The following SUN2 variants were observed in gnomAD, a reference collection of about 807,000 sequenced individuals.
SUN2 encodes Sad1 and UNC84 domain containing 2.
SUN2 carries 60 observed loss-of-function variants against 100.0 expected under a neutral mutation model. The ratio of observed to expected loss-of-function variants is 0.60; its 90% CI spans 0.49 to 0.74. SUN2 has a LOEUF of 0.74. Ranked by LOEUF, SUN2 falls within the 30% of genes least tolerant of loss-of-function variation. SUN2 has a pLI of 0.00. For synonymous variants in SUN2, 367 were observed against 403.3 expected (o/e 0.91, Z 1.08); for missense variants, 834 against 954.6 (o/e 0.87, Z 1.66).
intron 8 of SUN2, chr22:38,743,727 A>T (rs1240525256): frequency 6.6e-6 from 1 of 152,128 alleles, no homozygotes; most frequent in Non-Finnish European, 1.5e-5. Flanking sequence ...CTAATACAAG[A>T]TATATTCATT....
intron 2 of SUN2, 129 bp from the exon 3 acceptor site, chr22:38,751,502 C>T: frequency 6.5e-6 from 6 of 921,002 alleles, no homozygotes; most frequent in Non-Finnish European, 9.8e-6. Flanking sequence ...AGGCAACTCG[C>T]AGCTGCCATT....
chr22:38,752,528 A>AG lies in SUN2; in HGVS notation c.100dup (p.Leu34ProfsTer3), dbSNP rs1403036402. The AG allele has an allele frequency of 6.2e-7, 1 of 1,613,600 alleles. No individual in the cohort carries two copies. Among genetic ancestry groups the AG allele is most frequent in the Non-Finnish European group, 8.5e-7 (1 of 1,179,704 alleles). ...CTACCTGAGAGGACTGTCTTTAAACAGGGTGCTCTGACTCCCAGCCACCGA... is the reference window on the plus strand; with the variant it reads ...CTACCTGAGAGGACTGTCTTTAAACAGGGGTGCTCTGACTCCCAGCCACCGA... On this transcript the variant is annotated frameshift_variant, in exon 2 of 18. Coordinates refer to ENST00000689035, the MANE Select transcript of SUN2 (RefSeq NM_015374.3). LOFTEE classifies it high-confidence loss of function.
In SUN2 at chr22:38,750,361, C is replaced by G. The variant is rs138314799; in HGVS notation, c.425-41G>C. 2.1e-4 allele frequency: 344 copies of G among 1,610,190 alleles called. No homozygotes were observed. The African/African-American group carries it at 4.3e-3, about 20-fold the overall frequency. ...ACACTGGCTCAGTCTCTGTCACTTTCGAGCCTCTTCCTTCACTGTCTTCTG... is the reference window on the plus strand; with the variant it reads ...ACACTGGCTCAGTCTCTGTCACTTTGGAGCCTCTTCCTTCACTGTCTTCTG... On this transcript the variant is annotated intron_variant, in intron 4 of 17. Coordinates refer to ENST00000689035, the MANE Select transcript of SUN2 (RefSeq NM_015374.3).
chr22:38,750,083 G>T, intron 5 of SUN2, 142 bp downstream of exon 5: 1 of 1,344,202 alleles, frequency 7.4e-7, no homozygotes, highest in Non-Finnish European at 1.0e-6. Flanking sequence ...ACAGCTCTGG[G>T]CTCCCAGTGA....
In SUN2 at chr22:38,750,980, C is replaced by A. The variant is rs773389007; in HGVS notation, c.342G>T (p.Arg114Ser). Residue 114 changes from arginine to serine, a missense_variant, in exon 4 of 18, where the codon AGG becomes AGT. By Grantham distance (110) the Arg-to-Ser change is moderately radical. Transcript: ENST00000689035. Reference sequence around the variant, plus strand: ...CCTTGCGCCCCACAAGCCCGCTGGCCCTGCTGCTCTCTGAGCCACCCGTGC... The same window carrying A: ...CCTTGCGCCCCACAAGCCCGCTGGCACTGCTGCTCTCTGAGCCACCCGTGC... ...RRGTGGSESS[R>S]ASGLVGRKAT... 3 of 1,613,906 alleles carry A rather than the reference C, an allele frequency of 1.9e-6. No individual in the cohort carries two copies. Among genetic ancestry groups the A allele is most frequent in the Non-Finnish European group, 2.5e-6 (3 of 1,179,996 alleles).
In SUN2 at chr22:38,752,641, T is replaced by C. The variant is rs1259881306; in HGVS notation, c.-13A>G. 3.1e-6 allele frequency: 5 copies of C among 1,612,810 alleles called. No homozygotes were observed. The highest frequency in any genetic ancestry group is 1.3e-5 in the African/African-American group (1 of 74,896). On this transcript the variant is annotated 5_prime_UTR_variant, in exon 2 of 18. Coordinates refer to ENST00000689035, the MANE Select transcript of SUN2 (RefSeq NM_015374.3). ...TTCTTCGGGACATGATGAGGTGGGA[T>C]GTGGACTCTTCCCCTGAAGAGAATC... is the stretch of plus-strand genomic sequence containing the variant.
chr22:38,736,196 C>A lies in SUN2; in HGVS notation c.*71G>T, dbSNP rs753287130. ...CCTAGAAGTCAGAGCGCCGAGCAAGCGTGTGGGGGAAGCGGCGGGGTGCTG... is the reference window on the plus strand; with the variant it reads ...CCTAGAAGTCAGAGCGCCGAGCAAGAGTGTGGGGGAAGCGGCGGGGTGCTG... On this transcript the variant is annotated 3_prime_UTR_variant, in exon 18 of 18. Coordinates refer to ENST00000689035, the MANE Select transcript of SUN2 (RefSeq NM_015374.3). The A allele has an allele frequency of 3.5e-6, 5 of 1,414,400 alleles. No individual in the cohort carries two copies. Among genetic ancestry groups the A allele is most frequent in the Non-Finnish European group, 4.0e-6 (4 of 1,003,426 alleles). 87.6% of individuals were successfully genotyped at this position (1,414,400 alleles called of 1,614,324 possible).
chr22:38,754,003 A>G (rs182272568), intron 1 of SUN2, among the ~76,000 whole-genome samples: 5 of 152,374 alleles, frequency 3.3e-5, no homozygotes, highest in African/African-American at 1.2e-4. Context: ...AATATTTGTT[A>G]GCAAACTAAC....
chr22:38,752,611 C>G lies in SUN2; in HGVS notation c.18G>C (p.Gln6His). 1 of 1,613,912 alleles carries G rather than the reference C, an allele frequency of 6.2e-7. No individual in the cohort carries two copies. Among genetic ancestry groups the G allele is most frequent in the East Asian group, 2.2e-5 (1 of 44,876 alleles). The change falls in exon 2 of 18, where the codon CAG becomes CAC. Residue 6 changes from glutamine (Q) to histidine (H), a missense_variant. Around this residue, in one of 3 missense-constraint regions of SUN2, gnomAD observed 559 missense variants for 597.7 expected, o/e 0.94. Transcript: ENST00000689035. MSRRS[Q>H]RLTRYSQGDD... ...CACCCTGGGAGTAGCGCGTGAGGCG[C>G]TGGCTTCTTCGGGACATGATGAGGT...
Position 38,740,144 on chromosome 22 carries a change from G to A in SUN2, c.1356+123C>T, listed in dbSNP as rs564711211. On this transcript the variant is annotated intron_variant, in intron 12 of 17. Coordinates refer to ENST00000689035, the MANE Select transcript of SUN2 (RefSeq NM_015374.3). The surrounding 1 kb of genome is among the most constrained non-coding windows in gnomAD (Gnocchi z 4.8). ...AGAGCCCACATGTGTCAAGGCCAAC[G>A]CCACAGTCTCTTGGGCATAACAGAG... 1.4e-3 allele frequency: 1,855 copies of A among 1,340,046 alleles called. 4 individuals are homozygous for A. The highest frequency in any genetic ancestry group is 1.7e-3 in the Non-Finnish European group (1,746 of 1,008,452). 83.0% of individuals were successfully genotyped at this position (1,340,046 alleles called of 1,614,324 possible).
Position 38,755,170 on chromosome 22 carries a change from G to A in SUN2, c.-38+593C>T, listed in dbSNP as rs1184621541. ...AAACCAGATCTGGGGCATCTTCCTC[G>A]TGACATTTCCACTCCCTGGGCACAG... On this transcript the variant is annotated intron_variant, in intron 1 of 17. Coordinates refer to ENST00000689035, the MANE Select transcript of SUN2 (RefSeq NM_015374.3). This position sits in a 1 kb window ranked among gnomAD's most constrained non-coding sequence, Gnocchi z 5.7. The A allele has an allele frequency of 1.8e-6, 2 of 1,113,918 alleles. No individual in the cohort carries two copies. Among genetic ancestry groups the A allele is most frequent in the African/African-American group, 1.6e-5 (1 of 60,742 alleles). 69.0% of individuals were successfully genotyped at this position (1,113,918 alleles called of 1,614,324 possible).
At chr22:38,753,405 G>A (rs1008960127) in intron 1 of SUN2, among the ~76,000 whole-genome samples, 3 of 151,718 alleles carry the variant, frequency 2.0e-5, no homozygotes, top group Non-Finnish European at 4.4e-5. Context: ...TAATAGAGAC[G>A]GGGTTTCGCC....
Position 38,738,477 on chromosome 22 carries a change from T to C in SUN2, c.1947+110A>G, listed in dbSNP as rs762100180. 10 of 1,439,956 alleles carry C rather than the reference T, an allele frequency of 6.9e-6. No homozygotes were observed. The highest frequency in any genetic ancestry group is 2.0e-5 in the Admixed American group (1 of 50,310). The allele number at this position is 1,439,956 out of a possible 1,614,324, so 89.2% of individuals were successfully genotyped here. On this transcript the variant is annotated intron_variant, in intron 16 of 17. Coordinates refer to ENST00000689035, the MANE Select transcript of SUN2 (RefSeq NM_015374.3). The surrounding 1 kb of genome is among the most constrained non-coding windows in gnomAD (Gnocchi z 6.6). ...CCACCCTAGCTCCTCCTCTTCCAAA[T>C]CCACTCCCCTCCCTTCCAGTCCAAG...
Position 38,740,930 on chromosome 22 carries a change from T to C in SUN2, c.1190+77A>G. 6.9e-7 allele frequency: 1 copy of C among 1,448,520 alleles called. No individual in the cohort carries two copies. The highest frequency in any genetic ancestry group is 9.5e-7 in the Non-Finnish European group (1 of 1,056,146). 89.7% of individuals were successfully genotyped at this position (1,448,520 alleles called of 1,614,324 possible). The stretch of plus-strand genomic sequence containing the variant: ...TGATCAGAACTCTCTGCTCTGCGGC[T>C]CTGCTCCCCAGTCCTGCCTGGAGAG... On this transcript the variant is annotated intron_variant, in intron 11 of 17. Coordinates refer to ENST00000689035, the MANE Select transcript of SUN2 (RefSeq NM_015374.3). The surrounding 1 kb of genome is among the most constrained non-coding windows in gnomAD (Gnocchi z 4.8).
intron 1 of SUN2, chr22:38,754,615 T>TCCCCCCCCCCC: frequency 2.3e-6 from 1 of 433,486 alleles, no homozygotes; most frequent in South Asian, 2.1e-5. Flanking sequence ...CCCTCCCCCC[T>TCCCCCCCCCCC]CCCTGCCCCG....
At chr22:38,747,434 C>T (rs563467685) in intron 7 of SUN2, among the ~76,000 whole-genome samples, 15 of 151,780 alleles carry the variant, frequency 9.9e-5, no homozygotes, top group South Asian at 6.2e-4. Flanking sequence ...AACACAAAAA[C>T]GAAGCTAACT....
At chr22:38,748,832 G>A in intron 6 of SUN2, 49 bp from the exon 7 acceptor site, 1 of 1,580,578 alleles carries the variant, frequency 6.3e-7, no homozygotes, top group Non-Finnish European at 8.7e-7. Flanking sequence ...TGTGAGGGGA[G>A]CTCCAGGCCT....
chr22:38,751,300 G>A lies in SUN2; in HGVS notation c.196C>T (p.His66Tyr). Residue 66 changes from histidine to tyrosine, a missense_variant, in exon 3 of 18, where the codon CAC becomes TAC. Physicochemically the swap from His to Tyr is moderately conservative, Grantham distance 83. Around this residue, in one of 3 missense-constraint regions of SUN2, gnomAD observed 559 missense variants for 597.7 expected, o/e 0.94. Coordinates refer to ENST00000689035, the MANE Select transcript of SUN2 (RefSeq NM_015374.3). Reference sequence around the variant, plus strand: ...AGCGACTCACTGTAGTAGGAGGTGTGTGCATCAGAGGACGGGCCCAGCTGT... The same window carrying A: ...AGCGACTCACTGTAGTAGGAGGTGTATGCATCAGAGGACGGGCCCAGCTGT... ...APQLGPSSDA[H>Y]TSYYSESLVH... 1 of 1,614,186 alleles carries A rather than the reference G, an allele frequency of 6.2e-7. No individual in the cohort carries two copies. The highest frequency in any genetic ancestry group is 8.5e-7 in the Non-Finnish European group (1 of 1,180,040).
Position 38,737,985 on chromosome 22 carries a change from C to T in SUN2, c.2040+188G>A, listed in dbSNP as rs1417146636. On this transcript the variant is annotated intron_variant, in intron 17 of 17. Transcript: ENST00000689035. The surrounding 1 kb of genome is among the most constrained non-coding windows in gnomAD (Gnocchi z 4.1). ...CTCATGCTGCCCTTCTGGAAGGTGCCTTCCCCTGTGCTGACGTCTGCAGGA... is the reference window on the plus strand; with the variant it reads ...CTCATGCTGCCCTTCTGGAAGGTGCTTTCCCCTGTGCTGACGTCTGCAGGA... The T allele has an allele frequency of 1.4e-6, 1 of 714,402 alleles. No individual in the cohort carries two copies. Among genetic ancestry groups the T allele is most frequent in the South Asian group, 1.5e-5 (1 of 66,862 alleles). The allele number at this position is 714,402 out of a possible 1,614,324, so 44.3% of individuals were successfully genotyped here.
Sources: allele counts gnomAD v4.1 joint callset (sites outside exome capture counted in the v4.1 genomes callset), GRCh38; gene constraint gnomAD v4.1.1; regional missense constraint gnomAD v4.1.1; non-coding constraint Gnocchi (gnomAD v3.1); transcripts MANE v1.5; gene names NCBI Gene and HGNC (gene_info 2026-07-23, HGNC 2026-07-21).